The following EGFLAM variants were observed in gnomAD, a reference collection of about 807,000 sequenced individuals.
EGFLAM encodes the protein EGF like, fibronectin type III and laminin G domains, also known as pikachurin.
EGFLAM carries 79 observed loss-of-function variants against 113.1 expected under a neutral mutation model. The observed-to-expected ratio is 0.70, with a 90% CI of 0.58 to 0.84. The LOEUF (loss-of-function observed/expected upper bound fraction) is 0.84. EGFLAM is among the 40% of genes least tolerant of loss of function. The pLI is 0.00. For missense variants in EGFLAM, 1,265 were observed against 1,291.6 expected (o/e 0.98, Z 0.32); for synonymous variants, 504 against 487.6 (o/e 1.03, Z -0.44).
At chr5:38,348,161 C>T (rs1414304614) in intron 3 of EGFLAM, among the ~76,000 whole-genome samples, 1 of 152,004 alleles carries the variant, frequency 6.6e-6, no homozygotes, top group Non-Finnish European at 1.5e-5. Flanking sequence ...ACTTGGGGTG[C>T]TTGGTAGTCA....
At chr5:38,292,539 C>A (rs537213604) in intron 1 of EGFLAM, among the ~76,000 whole-genome samples, 2 of 152,340 alleles carry the variant, frequency 1.3e-5, no homozygotes, top group East Asian at 3.9e-4. Context: ...CAGTTCGCTG[C>A]TGAATGCTAA....
intron 2 of EGFLAM, 75 bp from the exon 3 acceptor site, chr5:38,338,623 G>A: frequency 1.4e-6 from 2 of 1,387,912 alleles, no homozygotes; most frequent in Non-Finnish European, 2.0e-6. Context: ...TGCTGCCACT[G>A]TGAGTGCAAT....
At chr5:38,260,903 T>C (rs6875313) in intron 1 of EGFLAM, among the ~76,000 whole-genome samples, 2,620 of 152,300 alleles carry the variant, frequency 0.017, 80 homozygotes, top group African/African-American at 0.06. Context: ...TAATTTATAA[T>C]CTTCCCCAGA....
chr5:38,382,966 A>G (rs1274224727), intron 6 of EGFLAM, among the ~76,000 whole-genome samples: 1 of 152,194 alleles, frequency 6.6e-6, no homozygotes, highest in Non-Finnish European at 1.5e-5. Context: ...GTGCAGGGGC[A>G]TGCCAGCCAC....
chr5:38,445,609 G>T, intron 17 of EGFLAM: 1 of 1,598,408 alleles, frequency 6.3e-7, no homozygotes, highest in Non-Finnish European at 8.5e-7. Flanking sequence ...TGCAACCAGA[G>T]TAATTGGGAT....
chr5:38,395,121 G>A (rs1045964495), intron 6 of EGFLAM, among the ~76,000 whole-genome samples: 1 of 151,586 alleles, frequency 6.6e-6, no homozygotes, highest in African/African-American at 2.4e-5. Flanking sequence ...TGTATATTTA[G>A]TAGAGGCGGG....
intron 19 of EGFLAM, 131 bp downstream of exon 19, chr5:38,451,589 C>G: frequency 7.6e-7 from 1 of 1,318,076 alleles, no homozygotes. Flanking sequence ...AGCTTCAAGG[C>G]TTATTGGAAG....
chr5:38,303,355 A>G (rs1758640862), intron 1 of EGFLAM, among the ~76,000 whole-genome samples: 1 of 152,246 alleles, frequency 6.6e-6, no homozygotes, highest in African/African-American at 2.4e-5. Flanking sequence ...TCTTACAGAC[A>G]GTAATTTACG....
chr5:38,394,711 CTTTT>C (rs11451294), intron 6 of EGFLAM, among the ~76,000 whole-genome samples: 5 of 121,722 alleles, frequency 4.1e-5, no homozygotes, highest in Non-Finnish European at 8.2e-5. Flanking sequence ...GCCGGGCCCA[CTTTT>C]TTTTTTTTTT....
At chr5:38,396,257 GGAGAGA>G (rs57874446) in intron 6 of EGFLAM, among the ~76,000 whole-genome samples, 6,811 of 150,364 alleles carry the variant, frequency 0.045, 500 homozygotes, top group African/African-American at 0.16. Flanking sequence ...TCCCACAGAA[GGAGAGA>G]GAGAGAGAGA....
chr5:38,463,133 CAGAT>C, intron 21 of EGFLAM, 122 bp downstream of exon 21: 1 of 910,002 alleles, frequency 1.1e-6, no homozygotes, highest in Non-Finnish European at 1.6e-6. Flanking sequence ...GGAAGCCCTC[CAGAT>C]ATTCCATTCC....
At chr5:38,298,063 G>A (rs1489637888) in intron 1 of EGFLAM, among the ~76,000 whole-genome samples, 4 of 152,158 alleles carry the variant, frequency 2.6e-5, no homozygotes, top group Non-Finnish European at 5.9e-5. Flanking sequence ...GACTTCAAGG[G>A]CTTGTGAAGA....
At chr5:38,452,097 C>T (rs1235574962) in intron 19 of EGFLAM, among the ~76,000 whole-genome samples, 4 of 142,474 alleles carry the variant, frequency 2.8e-5, no homozygotes, top group South Asian at 4.6e-4. Flanking sequence ...AGTGCAGTGG[C>T]GCAATCTCGG....
intron 5 of EGFLAM, among the ~76,000 whole-genome samples, chr5:38,365,164 T>G (rs1324454216): frequency 2.0e-5 from 3 of 152,220 alleles, no homozygotes; most frequent in Non-Finnish European, 4.4e-5. Flanking sequence ...ATGACATGCT[T>G]TAGCTTCACT....
chr5:38,345,361 A>C (rs1739448043), intron 3 of EGFLAM: 1 of 152,226 alleles, frequency 6.6e-6, no homozygotes, highest in Non-Finnish European at 1.5e-5. Flanking sequence ...ATGAAAGTTT[A>C]TTGTTCTGGC....
intron 1 of EGFLAM, among the ~76,000 whole-genome samples, chr5:38,302,700 T>C (rs1758619447): frequency 1.5e-5 from 2 of 136,338 alleles, no homozygotes; most frequent in African/African-American, 5.8e-5. Context: ...TTATAAGTTG[T>C]CTGAGAATCA....
At chr5:38,264,691 A>T (rs1440320864) in intron 1 of EGFLAM, among the ~76,000 whole-genome samples, 1 of 152,080 alleles carries the variant, frequency 6.6e-6, no homozygotes, top group African/African-American at 2.4e-5. Context: ...GAGATCTCTC[A>T]TCTGTATGTT....
chr5:38,367,966 T>C (rs1740106787), intron 5 of EGFLAM, among the ~76,000 whole-genome samples: 1 of 152,250 alleles, frequency 6.6e-6, no homozygotes, highest in African/African-American at 2.4e-5. Flanking sequence ...TAAGAGTTTT[T>C]CTTTTCTGCA....
At chr5:38,368,711 C>G (rs1740130301) in intron 5 of EGFLAM, among the ~76,000 whole-genome samples, 1 of 151,966 alleles carries the variant, frequency 6.6e-6, no homozygotes. Context: ...TCGTCTGCCG[C>G]CCACCGTCAC....
Sources: allele counts gnomAD v4.1 joint callset (sites outside exome capture counted in the v4.1 genomes callset), GRCh38; gene constraint gnomAD v4.1.1; transcripts MANE v1.5; gene names NCBI Gene and HGNC (gene_info 2026-07-23, HGNC 2026-07-21).